Variants in CDH13 observed in about 807,000 individuals in gnomAD.
CDH13 encodes the protein cadherin 13.
A neutral mutation model predicts 63.8 loss-of-function variants in CDH13; 24 were observed. That is an observed-to-expected ratio of 0.38 (90% confidence interval 0.27 to 0.53). CDH13 has a LOEUF of 0.53. Ranked by LOEUF, CDH13 falls within the 20% of genes least tolerant of loss-of-function variation. The probability of loss-of-function intolerance (pLI) is 0.85; values close to 1 mark genes in which losing one functional copy is unlikely to be tolerated. For synonymous variants in CDH13, 503 were observed against 355.3 expected (o/e 1.42, Z -4.67); for missense variants, 1,049 against 903.1 (o/e 1.16, Z -2.07).
chr16:83,563,864 G>A (rs2075748080), intron 7 of CDH13, among the ~76,000 whole-genome samples: 1 of 152,142 alleles, frequency 6.6e-6, no homozygotes, highest in Admixed American at 6.5e-5. Context: ...AGAAACTGAA[G>A]TGGGATGGGT....
chr16:83,713,827 G>A (rs1484156031), intron 10 of CDH13, among the ~76,000 whole-genome samples: 1 of 152,160 alleles, frequency 6.6e-6, no homozygotes, highest in Non-Finnish European at 1.5e-5. Context: ...GTGCCGTCAG[G>A]GTGGGGCTAT....
chr16:83,058,575 T>G (rs1169356866), intron 3 of CDH13, among the ~76,000 whole-genome samples: 1 of 152,216 alleles, frequency 6.6e-6, no homozygotes, highest in Admixed American at 6.5e-5. Context: ...GGCTGGACTT[T>G]AGGGGCCAAT....
At chr16:83,253,955 C>G (rs1905901286) in intron 5 of CDH13, among the ~76,000 whole-genome samples, 2 of 152,132 alleles carry the variant, frequency 1.3e-5, no homozygotes, top group African/African-American at 4.8e-5. Context: ...CTCTTGCAGT[C>G]ATAACCGTCT....
chr16:83,366,846 G>A (rs2091266864), intron 6 of CDH13, among the ~76,000 whole-genome samples: 1 of 152,090 alleles, frequency 6.6e-6, no homozygotes, highest in South Asian at 2.1e-4. Context: ...TGTATAAATT[G>A]CCTTGATTTA....
At chr16:83,728,010 A>G (rs3784963) in intron 10 of CDH13, among the ~76,000 whole-genome samples, 16,217 of 152,174 alleles carry the variant, frequency 0.11, 2,409 homozygotes, top group African/African-American at 0.33. Context: ...TTCTTTTGTG[A>G]GGCAAAAGCT....
intron 6 of CDH13, among the ~76,000 whole-genome samples, chr16:83,443,990 G>A (rs560330215): frequency 2.1e-4 from 31 of 150,416 alleles, no homozygotes; most frequent in African/African-American, 7.0e-4. Flanking sequence ...TGTTGATTAT[G>A]ATGATGATGG....
intron 1 of CDH13, among the ~76,000 whole-genome samples, chr16:82,834,948 C>G (rs2038702064): frequency 6.6e-6 from 1 of 152,198 alleles, no homozygotes; most frequent in Non-Finnish European, 1.5e-5. Context: ...ATATTTACTA[C>G]TGGCTCTTTA....
intron 6 of CDH13, among the ~76,000 whole-genome samples, chr16:83,477,720 T>A (rs1228374184): frequency 2.0e-5 from 3 of 152,160 alleles, no homozygotes; most frequent in Admixed American, 6.5e-5. Flanking sequence ...AATTCGTGCC[T>A]TTGGGGGAAA....
At chr16:83,648,942 C>T (rs1353726832) in intron 8 of CDH13, among the ~76,000 whole-genome samples, 1 of 152,174 alleles carries the variant, frequency 6.6e-6, no homozygotes, top group Non-Finnish European at 1.5e-5. Flanking sequence ...TCTAGCTTCC[C>T]CGCAACACAC....
At chr16:82,852,434 G>A (rs2151155413) in intron 1 of CDH13, among the ~76,000 whole-genome samples, 1 of 152,220 alleles carries the variant, frequency 6.6e-6, no homozygotes, top group East Asian at 1.9e-4. Flanking sequence ...TGCCACCTTG[G>A]GAGTCCTTCC....
chr16:83,397,179 T>C (rs1427052224), intron 6 of CDH13, among the ~76,000 whole-genome samples: 2 of 152,104 alleles, frequency 1.3e-5, no homozygotes, highest in Non-Finnish European at 2.9e-5. Flanking sequence ...TCTCACCAAG[T>C]TGTGTTTCCC....
chr16:82,826,707 A>G (rs796788648), intron 1 of CDH13: 8 of 152,330 alleles, frequency 5.3e-5, no homozygotes, highest in African/African-American at 1.9e-4. Flanking sequence ...GAATGTGGTA[A>G]TTTGTTCCAT....
At chr16:82,961,526 TATCAGCAATTCACAGTCTTTTG>T (rs1470003271) in intron 2 of CDH13, among the ~76,000 whole-genome samples, 2 of 148,690 alleles carry the variant, frequency 1.3e-5, no homozygotes, top group Non-Finnish European at 3.0e-5. Context: ...CTACTGTCTT[TATCAGCAATTCACAGTCTTTTG>T]TCCATAAGAA....
intron 2 of CDH13, among the ~76,000 whole-genome samples, chr16:82,933,598 T>C (rs2042569026): frequency 6.6e-6 from 1 of 152,202 alleles, no homozygotes; most frequent in African/African-American, 2.4e-5. Context: ...CATTTTGGCA[T>C]TAACCCAAAA....
At chr16:83,515,545 C>G (rs2074680649) in intron 7 of CDH13, among the ~76,000 whole-genome samples, 1 of 152,158 alleles carries the variant, frequency 6.6e-6, no homozygotes, top group Non-Finnish European at 1.5e-5. Flanking sequence ...GAAAAAGATA[C>G]TGGTTTAGAT....
intron 7 of CDH13, among the ~76,000 whole-genome samples, chr16:83,487,653 T>C (rs1259512690): frequency 6.6e-6 from 1 of 152,168 alleles, no homozygotes; most frequent in Non-Finnish European, 1.5e-5. Flanking sequence ...CTAAACCTGC[T>C]ACCATTCTGG....
intron 1 of CDH13, among the ~76,000 whole-genome samples, chr16:82,680,317 AAG>A (rs1166380996): frequency 6.6e-6 from 1 of 152,238 alleles, no homozygotes; most frequent in East Asian, 1.9e-4. Context: ...GTTAGACATC[AAG>A]AGTCGAGGCA....
At chr16:83,233,398 G>C (rs569164453) in intron 5 of CDH13, among the ~76,000 whole-genome samples, 1 of 152,322 alleles carries the variant, frequency 6.6e-6, no homozygotes, top group South Asian at 2.1e-4. Flanking sequence ...GACTCAACGA[G>C]TAGGTGGCTG....
At position 83,689,437 on chromosome 16, in the gene CDH13, A is replaced by G. The variant is rs1407969676; in HGVS notation, c.1538+10976A>G. 2.0e-5 allele frequency among the ~76,000 whole-genome samples: 3 copies of G among 152,350 alleles called. No individual in the cohort carries two copies. The East Asian group carries it at 5.8e-4, about 29-fold the overall frequency. On this transcript the variant is annotated intron_variant, in intron 10 of 13. Transcript: ENST00000567109. The stretch of plus-strand genomic sequence containing the variant: ...GATTTATTATCTGAGTTTGTCTATC[A>G]ATCACTAACACCAGTCAGCCAGCAA...
Sources: gnomAD v4.1 joint callset for allele counts (sites outside exome capture counted in the v4.1 genomes callset) on GRCh38, gnomAD v4.1.1 for gene constraint, MANE v1.5 for transcripts, NCBI Gene and HGNC (gene_info 2026-07-23, HGNC 2026-07-21) for gene names.